IGFL2: variants seen among roughly 807,000 people sequenced by gnomAD.
IGFL2 encodes the protein insulin growth factor-like family member 2.
A neutral mutation model predicts 13.9 loss-of-function variants in IGFL2; 7 were observed. The ratio of observed to expected loss-of-function variants is 0.51; its 90% CI spans 0.29 to 0.95. The LOEUF is 0.95. IGFL2 is among the 40% of genes least tolerant of loss of function. The pLI is 0.08. For synonymous variants in IGFL2, 55 were observed against 55.8 expected (o/e 0.99, Z 0.07); for missense variants, 138 against 147.8 (o/e 0.93, Z 0.34).
upstream of IGFL2, among the ~76,000 whole-genome samples, chr19:46,139,113 A>G (rs1272041526): frequency 6.6e-6 from 1 of 151,954 alleles, no homozygotes; most frequent in African/African-American, 2.4e-5. Flanking sequence ...CTTCCCCAGG[A>G]GCTGTTCAGG....
At chr19:46,128,748 G>A in the IGFL2 span, among the ~76,000 whole-genome samples, 1 of 152,062 alleles carries the variant, frequency 6.6e-6, no homozygotes, top group Admixed American at 6.6e-5. Flanking sequence ...CAGTTTGCCG[G>A]GATTTCTTGA....
At chr19:46,129,433 C>T in the IGFL2 span, among the ~76,000 whole-genome samples, 1 of 151,308 alleles carries the variant, frequency 6.6e-6, no homozygotes, top group Non-Finnish European at 1.5e-5. Flanking sequence ...TCTGGGTTCT[C>T]TAGTTCTTTT....
chr19:46,087,522 G>A, the IGFL2 span, among the ~76,000 whole-genome samples: 1 of 152,232 alleles, frequency 6.6e-6, no homozygotes, highest in African/African-American at 2.4e-5. Flanking sequence ...GGTAATCAGG[G>A]ATAGGGTGAT....
the IGFL2 span, chr19:46,212,877 GAGA>G: frequency 4.4e-4 from 67 of 152,302 alleles, no homozygotes; most frequent in African/African-American, 1.5e-3. Context: ...TAATGAAACA[GAGA>G]AGGAGTTGAA....
the IGFL2 span, among the ~76,000 whole-genome samples, chr19:46,106,815 A>G: frequency 6.6e-6 from 1 of 151,994 alleles, no homozygotes; most frequent in South Asian, 2.1e-4. Flanking sequence ...TGAGCATGGT[A>G]AGGGTGATTA....
At chr19:46,136,956 A>G in the IGFL2 span, 11 of 1,345,892 alleles carry the variant, frequency 8.2e-6, no homozygotes, top group African/African-American at 1.3e-4. Flanking sequence ...GTTGGCTGCT[A>G]CCTGCTGTAT....
chr19:46,194,120 C>T, the IGFL2 span, among the ~76,000 whole-genome samples: 1 of 152,084 alleles, frequency 6.6e-6, no homozygotes, highest in Non-Finnish European at 1.5e-5. Context: ...GAGTAACTGC[C>T]TGAGGTAGGG....
chr19:46,103,638 G>C, the IGFL2 span, among the ~76,000 whole-genome samples: 1 of 152,154 alleles, frequency 6.6e-6, no homozygotes, highest in Admixed American at 6.5e-5. Flanking sequence ...CTTATGAGTA[G>C]TTGAGAATGG....
At chr19:46,166,316 G>T in the IGFL2 span, among the ~76,000 whole-genome samples, 1 of 152,046 alleles carries the variant, frequency 6.6e-6, no homozygotes, top group Non-Finnish European at 1.5e-5. Context: ...GATCCTTGAT[G>T]CCCCACAAGC....
chr19:46,192,715 G>A, the IGFL2 span, among the ~76,000 whole-genome samples: 1 of 151,770 alleles, frequency 6.6e-6, no homozygotes, highest in Non-Finnish European at 1.5e-5. Context: ...CACTGCACCC[G>A]GTCTCTTTTG....
At chr19:46,126,514 G>A in the IGFL2 span, among the ~76,000 whole-genome samples, 1 of 152,116 alleles carries the variant, frequency 6.6e-6, no homozygotes, top group Non-Finnish European at 1.5e-5. Flanking sequence ...CAATCCTTCT[G>A]TGCCTGTCTC....
the IGFL2 span, among the ~76,000 whole-genome samples, chr19:46,119,818 C>T: frequency 1.1e-4 from 17 of 150,506 alleles, 1 homozygote; most frequent in African/African-American, 2.7e-4. Context: ...TGCAGCTTGC[C>T]GGCAAGGGGA....
At chr19:46,168,370 G>A in the IGFL2 span, among the ~76,000 whole-genome samples, 19 of 152,280 alleles carry the variant, frequency 1.2e-4, no homozygotes, top group African/African-American at 3.4e-4. Context: ...TCACTCTTAT[G>A]TTTTTGAGAA....
chr19:46,172,555 G>T, the IGFL2 span, among the ~76,000 whole-genome samples: 3 of 152,074 alleles, frequency 2.0e-5, no homozygotes, highest in African/African-American at 7.2e-5. Flanking sequence ...GAACTCAAAT[G>T]AGCCTCCCAC....
chr19:46,175,843 ATTTT>A, the IGFL2 span, among the ~76,000 whole-genome samples: 4 of 119,962 alleles, frequency 3.3e-5, no homozygotes, highest in African/African-American at 6.3e-5. Context: ...GCCTGGCACT[ATTTT>A]TTTTTTTTTT....
At chr19:46,176,358 G>A in the IGFL2 span, among the ~76,000 whole-genome samples, 1 of 152,116 alleles carries the variant, frequency 6.6e-6, no homozygotes, top group Non-Finnish European at 1.5e-5. Context: ...GGAAACAGCA[G>A]AAGTAAGTAA....
the IGFL2 span, among the ~76,000 whole-genome samples, chr19:46,105,661 A>G: frequency 6.6e-6 from 1 of 152,158 alleles, no homozygotes; most frequent in Non-Finnish European, 1.5e-5. Flanking sequence ...TATATGCATC[A>G]GGTGTGAGGA....
At chr19:46,192,771 G>A in the IGFL2 span, among the ~76,000 whole-genome samples, 1 of 152,162 alleles carries the variant, frequency 6.6e-6, no homozygotes, top group African/African-American at 2.4e-5. Flanking sequence ...AACAAAGCAT[G>A]GAGTCATCCC....
the IGFL2 span, among the ~76,000 whole-genome samples, chr19:46,083,046 A>T: frequency 8.9e-3 from 1,360 of 152,330 alleles, 25 homozygotes; most frequent in African/African-American, 0.031. Context: ...AAATTCCTAG[A>T]ACTGAAACCC....
Sources: allele counts gnomAD v4.1 joint callset (sites outside exome capture counted in the v4.1 genomes callset), GRCh38; gene constraint gnomAD v4.1.1; transcripts MANE v1.5; gene names NCBI Gene and HGNC (gene_info 2026-07-23, HGNC 2026-07-21).